The following RAB3GAP2 variants were observed in gnomAD, a reference collection of about 807,000 sequenced individuals.
RAB3GAP2 encodes the protein rab3 GTPase-activating protein non-catalytic subunit.
Under a neutral mutation model 185.3 loss-of-function variants are expected in RAB3GAP2, and 87 were observed. The ratio of observed to expected loss-of-function variants is 0.47; its 90% CI spans 0.39 to 0.56. The LOEUF is 0.56. Among genes scored for constraint, RAB3GAP2 ranks in the 20% least tolerant of loss-of-function variants. The pLI, the probability that RAB3GAP2 is intolerant of heterozygous loss-of-function variation, is 0.00. For missense variants in RAB3GAP2, 1,492 were observed against 1,638.2 expected, an observed-to-expected ratio of 0.91 and a Z score of 1.54; for synonymous variants, 554 against 576.1, an observed-to-expected ratio of 0.96 and a Z score of 0.55.
Position 220,166,752 on chromosome 1 carries a change from C to T in RAB3GAP2, c.3087+541G>A, listed in dbSNP as rs190588464. Among the ~76,000 whole-genome samples the T allele has an allele frequency of 6.6e-4, 100 of 152,216 alleles. 1 individual carries two copies. The highest frequency in any genetic ancestry group is 2.0e-3 in the African/African-American group (82 of 41,570). ...CTTGGACTACAGTCAACCCTGGTCA[C>T]GATCTGCCTCTTTGTTCTTCTGAGG... On this transcript the variant is annotated intron_variant, in intron 26 of 34. Coordinates refer to ENST00000358951, the MANE Select transcript of RAB3GAP2 (RefSeq NM_012414.4).
intron 1 of RAB3GAP2, among the ~76,000 whole-genome samples, chr1:220,250,197 G>T (rs756499532): frequency 3.3e-5 from 5 of 152,228 alleles, no homozygotes; most frequent in African/African-American, 7.2e-5. Context: ...AAGCCACAGG[G>T]GGGGAGCTGC....
chr1:220,254,101 C>G, intron 1 of RAB3GAP2: 1 of 1,613,806 alleles, frequency 6.2e-7, no homozygotes, highest in East Asian at 2.2e-5. Flanking sequence ...AATTACCAGG[C>G]AAAAACAGCT....
intron 1 of RAB3GAP2, among the ~76,000 whole-genome samples, chr1:220,247,238 C>T (rs1659837667): frequency 1.3e-5 from 2 of 152,172 alleles, no homozygotes; most frequent in Non-Finnish European, 2.9e-5. Flanking sequence ...CCAGGTGATC[C>T]AGCAGTCCCA....
At chr1:220,218,266 T>TTTTTA (rs1659235752) in intron 2 of RAB3GAP2, among the ~76,000 whole-genome samples, 2 of 152,182 alleles carry the variant, frequency 1.3e-5, no homozygotes, top group Non-Finnish European at 2.9e-5. Flanking sequence ...CAACTTTCTC[T>TTTTTA]GTTACTGTGG....
At chr1:220,232,726 G>T (rs2102891656) in intron 2 of RAB3GAP2, 73 bp downstream of exon 2, 2 of 1,318,480 alleles carry the variant, frequency 1.5e-6, no homozygotes, top group Non-Finnish European at 2.2e-6. Context: ...AGCTTGACAG[G>T]GAAATATGTC....
At chr1:220,256,769 T>C (rs1389861428) in intron 1 of RAB3GAP2, among the ~76,000 whole-genome samples, 1 of 152,190 alleles carries the variant, frequency 6.6e-6, no homozygotes, top group African/African-American at 2.4e-5. Flanking sequence ...CTTAGAGACC[T>C]ACAAAGAGAC....
rs556852601 is a variant in RAB3GAP2, at chr1:220,248,613, G to A, written c.116-15750C>T. Reference sequence around the variant, plus strand: ...TAAAATCCCAGTATAAATTTGGTTTGGTTTTTTTTTTTTGGATAATTCTAA... The same window carrying A: ...TAAAATCCCAGTATAAATTTGGTTTAGTTTTTTTTTTTTGGATAATTCTAA... On this transcript the variant is annotated intron_variant, in intron 1 of 34. Transcript: ENST00000358951. 2.3e-3 allele frequency among the ~76,000 whole-genome samples: 336 copies of A among 143,536 alleles called. 2 individuals carry two copies. The highest frequency in any genetic ancestry group is 9.2e-3 in the African/African-American group (316 of 34,388). The allele number at this position is 143,536 out of a possible 152,430, so 94.2% of individuals were successfully genotyped here. A position where few individuals can be genotyped will look rare whatever the true frequency, so the allele number is the denominator to read the frequency against.
intron 2 of RAB3GAP2, among the ~76,000 whole-genome samples, chr1:220,218,531 T>C (rs1032235612): frequency 6.6e-6 from 1 of 152,000 alleles, no homozygotes; most frequent in African/African-American, 2.4e-5. Context: ...TAGATGGGAA[T>C]TGAACAATGA....
chr1:220,189,309 C>T (rs139499032), intron 17 of RAB3GAP2, among the ~76,000 whole-genome samples: 90 of 152,054 alleles, frequency 5.9e-4, no homozygotes, highest in African/African-American at 2.1e-3. Flanking sequence ...CCTCCGCCTC[C>T]CAGGTTCAAA....
At chr1:220,260,817 G>A (rs1660122434) in intron 1 of RAB3GAP2, among the ~76,000 whole-genome samples, 1 of 152,162 alleles carries the variant, frequency 6.6e-6, no homozygotes, top group Non-Finnish European at 1.5e-5. Context: ...TGTAATCATG[G>A]AAGTATTCTG....
At chr1:220,228,170 G>A (rs1312286521) in intron 2 of RAB3GAP2, among the ~76,000 whole-genome samples, 2 of 152,178 alleles carry the variant, frequency 1.3e-5, no homozygotes, top group Admixed American at 6.5e-5. Context: ...ACTCTCAGAG[G>A]AGGTAGGTTT....
chr1:220,247,274 G>A (rs1035272785), intron 1 of RAB3GAP2, among the ~76,000 whole-genome samples: 6 of 152,080 alleles, frequency 3.9e-5, no homozygotes, highest in Non-Finnish European at 7.4e-5. Context: ...CAAAGGAAAA[G>A]AAGTCATTTT....
intron 9 of RAB3GAP2, among the ~76,000 whole-genome samples, chr1:220,198,990 G>A (rs1658788189): frequency 6.6e-6 from 1 of 152,156 alleles, no homozygotes; most frequent in African/African-American, 2.4e-5. Flanking sequence ...AATTCTAAAT[G>A]CTCTAGAGTA....
At position 220,267,500 on chromosome 1, in the gene RAB3GAP2, C is replaced by T. The variant is rs1660250019; in HGVS notation, c.115+4723G>A. 3 of 1,410,626 alleles carry T rather than the reference C, an allele frequency of 2.1e-6. No individual in the cohort carries two copies. The South Asian group carries it at 3.5e-5, about 16-fold the overall frequency. 87.4% of individuals were successfully genotyped at this position (1,410,626 alleles called of 1,614,324 possible). Reference sequence around the variant, plus strand: ...TAAACATTACCAAACTTTCCTTTACCCGGAGGGCGACCAATTTCAAGGTCT... The same window carrying T: ...TAAACATTACCAAACTTTCCTTTACTCGGAGGGCGACCAATTTCAAGGTCT... On this transcript the variant is annotated intron_variant, in intron 1 of 34. Coordinates refer to ENST00000358951, the MANE Select transcript of RAB3GAP2 (RefSeq NM_012414.4).
In RAB3GAP2 at chr1:220,152,883, A is replaced by C. The variant is rs535064538; in HGVS notation, c.3867+302T>G. On this transcript the variant is annotated intron_variant, in intron 33 of 34. Transcript: ENST00000358951. ...CTTTATTTTCTTCATAGCACCTATCATTCAATGCAAAATTTAGCATGCTTT... is the reference window on the plus strand; with the variant it reads ...CTTTATTTTCTTCATAGCACCTATCCTTCAATGCAAAATTTAGCATGCTTT... Among the ~76,000 whole-genome samples, 58 of 152,152 alleles carry C rather than the reference A, an allele frequency of 3.8e-4. 1 individual carries two copies. Among genetic ancestry groups the C allele is most frequent in the Admixed American group, 2.9e-3 (44 of 15,298 alleles).
intron 2 of RAB3GAP2, among the ~76,000 whole-genome samples, chr1:220,215,296 C>G (rs530189924): frequency 1.4e-4 from 21 of 152,124 alleles, no homozygotes; most frequent in Admixed American, 3.3e-4. Flanking sequence ...CAAACTGTGC[C>G]CCACACATGT....
intron 3 of RAB3GAP2, among the ~76,000 whole-genome samples, chr1:220,213,638 CA>C: frequency 7.5e-6 from 1 of 133,766 alleles, no homozygotes. Context: ...AAGGTAGCTA[CA>C]GCCAAGAAAG....
intron 1 of RAB3GAP2, among the ~76,000 whole-genome samples, chr1:220,252,170 A>G (rs912196667): frequency 6.7e-6 from 1 of 150,316 alleles, no homozygotes; most frequent in Non-Finnish European, 1.5e-5. Flanking sequence ...AAAAAAAAAA[A>G]GAGAAAATGA....
At chr1:220,253,757 T>G in intron 1 of RAB3GAP2, 1 of 1,611,702 alleles carries the variant, frequency 6.2e-7, no homozygotes, top group South Asian at 1.1e-5. Context: ...AGCAGAGTAC[T>G]CAAATACGTG....
Sources: allele counts gnomAD v4.1 joint callset (sites outside exome capture counted in the v4.1 genomes callset), GRCh38; gene constraint gnomAD v4.1.1; transcripts MANE v1.5; gene names NCBI Gene and HGNC (gene_info 2026-07-23, HGNC 2026-07-21).